The following PCBP2 variants were observed in gnomAD, a reference collection of about 807,000 sequenced individuals.
PCBP2 encodes the protein poly(rC)-binding protein 2.
A neutral mutation model predicts 50.1 loss-of-function variants in PCBP2; 4 were observed. The ratio of observed to expected loss-of-function variants is 0.08; its 90% CI spans 0.04 to 0.18. The LOEUF is 0.18. Among genes scored for constraint, PCBP2 ranks in the 10% least tolerant of loss-of-function variants. PCBP2 has a pLI of 1.00. For synonymous variants in PCBP2, 179 were observed against 168.0 expected, an observed-to-expected ratio of 1.07 and a Z score of -0.51; for missense variants, 161 against 474.3, an observed-to-expected ratio of 0.34 and a Z score of 6.14.
chr12:53,459,200 G>A, intron 5 of PCBP2, 72 bp from the exon 6 acceptor site: 1 of 1,400,776 alleles, frequency 7.1e-7, no homozygotes, highest in East Asian at 2.4e-5. Flanking sequence ...CCCTAATAAG[G>A]GTAAGTGGTT....
intron 6 of PCBP2, chr12:53,460,175 C>T (rs1484374709): frequency 4.5e-6 from 1 of 219,920 alleles, no homozygotes; most frequent in African/African-American, 2.4e-5. Flanking sequence ...CAGGGTCTCA[C>T]TCAGGCTGAA....
intron 8 of PCBP2, chr12:53,464,528 T>C (rs961774346): frequency 5.3e-5 from 26 of 494,532 alleles, no homozygotes; most frequent in Non-Finnish European, 7.3e-5. Context: ...ATCAGCTCTG[T>C]TGCCCCACCC....
intron 4 of PCBP2, 26 bp from the exon 5 acceptor site, chr12:53,455,859 T>C: frequency 1.4e-6 from 2 of 1,468,648 alleles, no homozygotes; most frequent in African/African-American, 1.4e-5. Context: ...TGTTTTAACT[T>C]CTTTTGGATC....
At chr12:53,476,393 C>T (rs1404013321) in intron 14 of PCBP2, among the ~76,000 whole-genome samples, 1 of 152,206 alleles carries the variant, frequency 6.6e-6, no homozygotes, top group Non-Finnish European at 1.5e-5. Context: ...GGACTAACAA[C>T]TTAAGCTTTA....
At chr12:53,465,079 C>T (rs1941721423) in intron 9 of PCBP2, 1 of 399,088 alleles carries the variant, frequency 2.5e-6, no homozygotes, top group Non-Finnish European at 4.3e-6. Context: ...TGTTCAACCC[C>T]TCTTCCCCTC....
chr12:53,455,316 C>A, intron 2 of PCBP2, 31 bp from the exon 3 acceptor site: 5 of 1,603,528 alleles, frequency 3.1e-6, no homozygotes, highest in Non-Finnish European at 4.3e-6. Flanking sequence ...TCTGAGTTTC[C>A]TCTTACTGAC....
chr12:53,462,962 G>A (rs1044953431), intron 8 of PCBP2, among the ~76,000 whole-genome samples: 2 of 152,028 alleles, frequency 1.3e-5, no homozygotes. Context: ...AAAATTTGGG[G>A]GTCCTGAATT....
chr12:53,454,815 G>T lies in PCBP2; in HGVS notation c.15G>T (p.Val5=). 1.2e-6 allele frequency: 2 copies of T among 1,614,140 alleles called. No homozygotes were observed. The highest frequency in any genetic ancestry group is 1.7e-6 in the Non-Finnish European group (2 of 1,179,984). Residue 5 remains valine (V), a synonymous_variant, in exon 2 of 15, where the codon GTG becomes GTT. Transcript: ENST00000546463. The part of the protein sequence containing the change: MDTG[V]IEGGLNVTLT... ...CACTGCTCGACATGGACACCGGTGT[G>T]ATTGAAGGTGGATTAAATGTCACTC...
At chr12:53,459,837 A>G (rs1234090134) in intron 6 of PCBP2, 1 of 453,848 alleles carries the variant, frequency 2.2e-6, no homozygotes. Flanking sequence ...TCACTGCAGC[A>G]AAACATCGAC....
At chr12:53,469,760 C>CTT (rs71444805) in intron 13 of PCBP2, among the ~76,000 whole-genome samples, 51,190 of 113,968 alleles carry the variant, frequency 0.45, 13,315 homozygotes, top group Non-Finnish European at 0.56. Context: ...ACATTTGCTG[C>CTT]TTTTTTTTTT....
At chr12:53,452,455 C>G (rs893862106) in intron 1 of PCBP2, 79 bp downstream of exon 1, 2 of 151,012 alleles carry the variant, frequency 1.3e-5, no homozygotes, top group African/African-American at 2.4e-5. Flanking sequence ...CGGCTCGGGT[C>G]CTAGTCACGA....
In PCBP2 at chr12:53,458,148, C is replaced by T. The variant is rs1004703074; in HGVS notation, c.244-1124C>T. Among the ~76,000 whole-genome samples the T allele has an allele frequency of 5.3e-5, 8 of 150,696 alleles. No individual in the cohort carries two copies. In the East Asian group the frequency reaches 1.0e-3, roughly 19 times the overall value. On this transcript the variant is annotated intron_variant, in intron 5 of 14. Transcript: ENST00000546463. ...TTCACCATGTTGGCCAGGCTGGTCT[C>T]GGACTCCTGACCTCAGTGATCCACC...
chr12:53,476,651 CAA>C (rs534727604), intron 14 of PCBP2, among the ~76,000 whole-genome samples: 2 of 136,164 alleles, frequency 1.5e-5, no homozygotes, highest in African/African-American at 2.7e-5. Context: ...CATTGGCTGA[CAA>C]AAAAAAAAAA....
intron 5 of PCBP2, among the ~76,000 whole-genome samples, chr12:53,457,561 GTCTTGAAC>G (rs1362719145): frequency 6.6e-6 from 1 of 151,838 alleles, no homozygotes; most frequent in Non-Finnish European, 1.5e-5. Context: ...GCCTAGGCTC[GTCTTGAAC>G]TCTTGGGCTC....
In PCBP2 at chr12:53,453,970, T is replaced by A. The variant is rs1272305122; in HGVS notation, c.-75-756T>A. Among the ~76,000 whole-genome samples the A allele has an allele frequency of 2.6e-5, 4 of 152,130 alleles. No homozygotes were observed. In the East Asian group the frequency reaches 5.8e-4, roughly 22 times the overall value. ...TTTTCTTTGGAAGGAAATTTAAGAT[T>A]TAATAGACTTGAAATAAAAACTGGA... On this transcript the variant is annotated intron_variant, in intron 1 of 14. Coordinates refer to ENST00000546463, the MANE Select transcript of PCBP2 (RefSeq NM_031989.5).
At chr12:53,467,710 TTG>T (rs1941917378) in intron 11 of PCBP2, 93 bp from the exon 12 acceptor site, 1 of 976,282 alleles carries the variant, frequency 1.0e-6, no homozygotes, top group Non-Finnish European at 1.6e-6. Context: ...TGTTTTTATT[TTG>T]TTTCGTTTTT....
At position 53,470,893 on chromosome 12, in the gene PCBP2, T is replaced by C. The variant is rs186981343; in HGVS notation, c.883-745T>C. On this transcript the variant is annotated intron_variant, in intron 13 of 14. Transcript: ENST00000546463. ...TTTGCTGCCAGAAACAGAATGTATT[T>C]CTACCTTTATCTATTTCTAGCTGTC... Among the ~76,000 whole-genome samples the C allele has an allele frequency of 4.8e-4, 73 of 152,232 alleles. 1 individual carries two copies. Among genetic ancestry groups the C allele is most frequent in the African/African-American group, 1.6e-3 (68 of 41,558 alleles).
rs1454309418 is a variant in PCBP2 at position 53,479,570 on chromosome 12, T to G, written c.*128T>G. The G allele has an allele frequency of 4.2e-6, 3 of 720,242 alleles. No individual in the cohort carries two copies. Among genetic ancestry groups the G allele is most frequent in the Admixed American group, 2.3e-5 (1 of 43,904 alleles). 44.6% of individuals were successfully genotyped at this position (720,242 alleles called of 1,614,324 possible). ...TGTAAATTTTCAGTTTCTACACACT[T>G]TATCATCCACTCGTGATTTTTTAAT... On this transcript the variant is annotated 3_prime_UTR_variant, in exon 15 of 15. Coordinates refer to ENST00000546463, the MANE Select transcript of PCBP2 (RefSeq NM_031989.5).
intron 5 of PCBP2, among the ~76,000 whole-genome samples, chr12:53,456,596 T>C (rs748622625): frequency 1.3e-5 from 2 of 152,348 alleles, no homozygotes; most frequent in East Asian, 1.9e-4. Flanking sequence ...ACCAAACTAA[T>C]ATGGTTTACC....
Sources: gnomAD v4.1 joint callset for allele counts (sites outside exome capture counted in the v4.1 genomes callset) on GRCh38, gnomAD v4.1.1 for gene constraint, MANE v1.5 for transcripts, NCBI Gene and HGNC (gene_info 2026-07-23, HGNC 2026-07-21) for gene names.